CYP2C19: variants seen among roughly 807,000 people sequenced by gnomAD.
The protein encoded by CYP2C19 is cytochrome P450 family 2 subfamily C member 19.
A neutral mutation model predicts 40.9 loss-of-function variants in CYP2C19; 59 were observed. That is an observed-to-expected ratio of 1.44 (90% CI 1.17 to 1.79). The LOEUF (loss-of-function observed/expected upper bound fraction) is 1.79, where lower values mean the gene tolerates loss of function less well. Among genes scored for constraint, CYP2C19 ranks in the 40% most tolerant of loss-of-function variants. CYP2C19 has a pLI of 0.00. For missense variants in CYP2C19, 754 were observed against 596.9 expected, an observed-to-expected ratio of 1.26 and a Z score of -2.74; for synonymous variants, 253 against 208.7, an observed-to-expected ratio of 1.21 and a Z score of -1.83.
intron 6 of CYP2C19, among the ~76,000 whole-genome samples, chr10:94,832,861 A>T (rs991613089): frequency 3.9e-5 from 6 of 152,146 alleles, no homozygotes; most frequent in Non-Finnish European, 5.9e-5. Context: ...TAGTATGGAC[A>T]TTTTAATAAT....
chr10:94,792,874 G>A, intron 5 of CYP2C19, among the ~76,000 whole-genome samples: 1 of 152,086 alleles, frequency 6.6e-6, no homozygotes, highest in Admixed American at 6.6e-5. Context: ...GGCATTTTCT[G>A]TATTTCCTGA....
chr10:94,762,685 T>C lies in CYP2C19; in HGVS notation c.-21T>C. 6.2e-7 allele frequency: 1 copy of C among 1,611,498 alleles called. No individual in the cohort carries two copies. On this transcript the variant is annotated 5_prime_UTR_variant, in exon 1 of 9. Transcript: ENST00000371321. Reference sequence around the variant, plus strand: ...TTGGAGTGCAAGCTCACGGTTGTCTTAACAAGAGGAGAAGGCTTCAATGGA... The same window carrying C: ...TTGGAGTGCAAGCTCACGGTTGTCTCAACAAGAGGAGAAGGCTTCAATGGA...
intron 5 of CYP2C19, among the ~76,000 whole-genome samples, chr10:94,815,803 A>C (rs553363644): frequency 5.3e-5 from 8 of 152,120 alleles, no homozygotes; most frequent in Admixed American, 1.3e-4. Context: ...TTTTACTGTC[A>C]TGTTGCTTTT....
At position 94,853,632 on chromosome 10, in the gene CYP2C19, G is replaced by C. The variant is rs905139580; in HGVS notation, c.*718G>C. On this transcript the variant is annotated 3_prime_UTR_variant, in exon 9 of 9. Coordinates refer to ENST00000371321, the MANE Select transcript of CYP2C19 (RefSeq NM_000769.4). ...GCAATCTCGGCTCACTGTAACCTTC[G>C]CCTCCCAGGCTCAAGAGATTCTCCT... Among the ~76,000 whole-genome samples the C allele has an allele frequency of 6.9e-6, 1 of 144,744 alleles. No homozygotes were observed. The highest frequency in any genetic ancestry group is 1.5e-5 in the Non-Finnish European group (1 of 66,924). The allele number at this position is 144,744 out of a possible 152,430, so 95.0% of individuals were successfully genotyped here.
At chr10:94,791,495 G>T (rs145364562) in intron 5 of CYP2C19, among the ~76,000 whole-genome samples, 26,805 of 151,222 alleles carry the variant, frequency 0.18, 2,637 homozygotes, top group South Asian at 0.33. Flanking sequence ...TTTCTCCTGT[G>T]GGTATTTAGT....
intron 1 of CYP2C19, among the ~76,000 whole-genome samples, chr10:94,766,147 G>A (rs1469255288): frequency 6.6e-6 from 1 of 152,082 alleles, no homozygotes; most frequent in Non-Finnish European, 1.5e-5. Context: ...TAAAGATCCA[G>A]TTTTTTGTGG....
chr10:94,801,995 G>T (rs1848772638), intron 5 of CYP2C19, among the ~76,000 whole-genome samples: 1 of 152,152 alleles, frequency 6.6e-6, no homozygotes, highest in African/African-American at 2.4e-5. Context: ...CATCATGGAA[G>T]GAGACCTTAG....
chr10:94,804,679 A>G (rs145810394), intron 5 of CYP2C19, among the ~76,000 whole-genome samples: 1 of 152,196 alleles, frequency 6.6e-6, no homozygotes, highest in African/African-American at 2.4e-5. Flanking sequence ...ACGGGTCTGT[A>G]CTTACTTTTA....
At chr10:94,805,158 T>C (rs568259227) in intron 5 of CYP2C19, among the ~76,000 whole-genome samples, 8 of 152,258 alleles carry the variant, frequency 5.3e-5, no homozygotes, top group African/African-American at 1.7e-4. Context: ...GTTATAAGAC[T>C]TTAGCCTTTC....
chr10:94,795,593 T>C (rs1396062512), intron 5 of CYP2C19, among the ~76,000 whole-genome samples: 2 of 152,160 alleles, frequency 1.3e-5, no homozygotes, highest in African/African-American at 2.4e-5. Flanking sequence ...ACTTCCACAA[T>C]GGTTAAACTA....
chr10:94,842,779 C>G (rs535329788), intron 6 of CYP2C19, 58 bp from the exon 7 acceptor site: 3 of 1,569,974 alleles, frequency 1.9e-6, no homozygotes, highest in African/African-American at 2.7e-5. Flanking sequence ...CCCTGAATTG[C>G]TAGAACAAAT....
chr10:94,833,863 G>A (rs1485860352), intron 6 of CYP2C19, among the ~76,000 whole-genome samples: 3 of 152,106 alleles, frequency 2.0e-5, no homozygotes, highest in Non-Finnish European at 4.4e-5. Flanking sequence ...CTTGGTCATT[G>A]TGAATGATCT....
chr10:94,765,554 T>C (rs1848228784), intron 1 of CYP2C19, among the ~76,000 whole-genome samples: 1 of 152,080 alleles, frequency 6.6e-6, no homozygotes, highest in Admixed American at 6.5e-5. Flanking sequence ...TGTGTTCTAT[T>C]TTCCCATTGG....
intron 6 of CYP2C19, among the ~76,000 whole-genome samples, chr10:94,830,017 G>T (rs1371878504): frequency 6.6e-6 from 1 of 152,202 alleles, no homozygotes; most frequent in Non-Finnish European, 1.5e-5. Context: ...CGCATTCTCA[G>T]ATCTCCAGCT....
intron 7 of CYP2C19, among the ~76,000 whole-genome samples, chr10:94,849,293 G>C (rs549500679): frequency 1.2e-4 from 18 of 152,148 alleles, no homozygotes; most frequent in Admixed American, 3.3e-4. Flanking sequence ...CAAGTACTCA[G>C]TACTTCAAAT....
At chr10:94,817,935 C>A (rs1190578565) in intron 5 of CYP2C19, among the ~76,000 whole-genome samples, 1 of 146,186 alleles carries the variant, frequency 6.8e-6, no homozygotes, top group East Asian at 2.0e-4. Flanking sequence ...ATGGCGTGAA[C>A]CCGGGAGGCG....
intron 5 of CYP2C19, among the ~76,000 whole-genome samples, chr10:94,808,117 A>T (rs1298516764): frequency 4.6e-5 from 7 of 152,106 alleles, no homozygotes. Flanking sequence ...CTATTTAATG[A>T]AAAGACTGTT....
chr10:94,841,512 G>T (rs1377693954), intron 6 of CYP2C19, among the ~76,000 whole-genome samples: 3 of 152,118 alleles, frequency 2.0e-5, no homozygotes, highest in African/African-American at 7.2e-5. Flanking sequence ...ACAAAGGGAG[G>T]GGACCCAAAG....
At chr10:94,802,721 C>G (rs540337217) in intron 5 of CYP2C19, among the ~76,000 whole-genome samples, 1 of 152,062 alleles carries the variant, frequency 6.6e-6, no homozygotes, top group Non-Finnish European at 1.5e-5. Context: ...GTGGCTGGTA[C>G]CAATTTTTCC....
Sources: allele counts gnomAD v4.1 joint callset (sites outside exome capture counted in the v4.1 genomes callset), GRCh38; gene constraint gnomAD v4.1.1; transcripts MANE v1.5; gene names NCBI Gene and HGNC (gene_info 2026-07-23, HGNC 2026-07-21).